Variants in SPHKAP observed in about 807,000 individuals in gnomAD.
SPHKAP encodes the protein A-kinase anchor protein SPHKAP.
In SPHKAP, 67 loss-of-function variants were observed where a neutral mutation model predicts 137.5. The ratio of observed to expected loss-of-function variants is 0.49; its 90% CI spans 0.40 to 0.60. The LOEUF (loss-of-function observed/expected upper bound fraction) is 0.60. SPHKAP is among the 20% of genes least tolerant of loss of function. The pLI, the probability that SPHKAP is intolerant of heterozygous loss-of-function variation, is 0.00. For missense variants in SPHKAP, 2,097 were observed against 2,069.3 expected (o/e 1.01, Z -0.26); for synonymous variants, 813 against 785.3 (o/e 1.04, Z -0.59).
At chr2:228,035,380 G>T (rs1341887904) in intron 3 of SPHKAP, among the ~76,000 whole-genome samples, 1 of 152,134 alleles carries the variant, frequency 6.6e-6, no homozygotes, top group African/African-American at 2.4e-5. Context: ...GGAAATAAAA[G>T]AAAATACAAA....
intron 3 of SPHKAP, among the ~76,000 whole-genome samples, chr2:228,070,028 T>C (rs897114765): frequency 2.0e-5 from 3 of 152,220 alleles, no homozygotes; most frequent in African/African-American, 7.2e-5. Context: ...GGGACTTATC[T>C]GTCCATTTCA....
chr2:228,024,259 G>GAGAT lies in SPHKAP; in HGVS notation c.441+1131_441+1134dup, dbSNP rs1341903715. ...ATTAATGTCAATACCAATTTTCATAGAGATATTGAAAGAAAGCTGGAATTT... is the reference window on the plus strand; with the variant it reads ...ATTAATGTCAATACCAATTTTCATAGAGATAGATATTGAAAGAAAGCTGGAATTT... On this transcript the variant is annotated intron_variant, in intron 5 of 11. Transcript: ENST00000392056. Among the ~76,000 whole-genome samples the GAGAT allele has an allele frequency of 7.3e-5, 11 of 151,656 alleles. 1 individual carries two copies. Among genetic ancestry groups the GAGAT allele is most frequent in the Admixed American group, 2.0e-4 (3 of 15,236 alleles).
At chr2:228,069,222 G>A (rs543386990) in intron 3 of SPHKAP, among the ~76,000 whole-genome samples, 9 of 152,250 alleles carry the variant, frequency 5.9e-5, no homozygotes, top group South Asian at 2.1e-4. Flanking sequence ...AGCCGAGATC[G>A]TGCCATTGCA....
chr2:228,038,638 C>CT (rs1695726258), intron 3 of SPHKAP, among the ~76,000 whole-genome samples: 1 of 152,006 alleles, frequency 6.6e-6, no homozygotes, highest in Non-Finnish European at 1.5e-5. Flanking sequence ...CATAATTATC[C>CT]TTTTTTCTTG....
In SPHKAP at chr2:228,018,614, G is replaced by C. The variant is rs756170328; in HGVS notation, c.2240C>G (p.Thr747Arg). 3.1e-6 allele frequency: 5 copies of C among 1,614,132 alleles called. No individual in the cohort carries two copies. The highest frequency in any genetic ancestry group is 2.2e-5 in the South Asian group (2 of 91,074). ...ATCAGATGGCTGGCAGCTTGGTTCTGTCTCCCTCCTTCTGATGGTCTCCTT... is the reference window on the plus strand; with the variant it reads ...ATCAGATGGCTGGCAGCTTGGTTCTCTCTCCCTCCTTCTGATGGTCTCCTT... ...LSKETIRRRETEPSCQPSDPG... is the reference protein window; with the variant it reads ...LSKETIRRREREPSCQPSDPG... The change falls in exon 7 of 12, where the codon ACA (threonine) becomes AGA (arginine). Residue 747 changes from threonine to arginine, a missense_variant. Physicochemically the swap from Thr to Arg is moderately conservative, Grantham distance 71. Coordinates refer to ENST00000392056, the MANE Select transcript of SPHKAP (RefSeq NM_001142644.2).
intron 3 of SPHKAP, among the ~76,000 whole-genome samples, chr2:228,103,651 G>A (rs1698245173): frequency 1.3e-5 from 2 of 152,072 alleles, no homozygotes; most frequent in Admixed American, 6.5e-5. Flanking sequence ...AAAGTGAGTG[G>A]GTCCAGCCGA....
At chr2:228,156,053 T>C (rs1301441926) in intron 1 of SPHKAP, among the ~76,000 whole-genome samples, 1 of 152,180 alleles carries the variant, frequency 6.6e-6, no homozygotes, top group Non-Finnish European at 1.5e-5. Context: ...TGTGAAGGAT[T>C]TAAACTAAAA....
chr2:228,031,233 T>C (rs1695300938), intron 3 of SPHKAP, among the ~76,000 whole-genome samples: 1 of 152,178 alleles, frequency 6.6e-6, no homozygotes, highest in Non-Finnish European at 1.5e-5. Context: ...CGCACCTGGC[T>C]CAGAGGGTCC....
intron 3 of SPHKAP, chr2:228,028,133 T>C: frequency 1.2e-6 from 1 of 847,778 alleles, no homozygotes; most frequent in Non-Finnish European, 1.4e-6. Flanking sequence ...ATAGAACAGT[T>C]ACAACAAAAT....
chr2:228,024,299 T>C (rs2106224604), intron 5 of SPHKAP, among the ~76,000 whole-genome samples: 1 of 151,920 alleles, frequency 6.6e-6, no homozygotes, highest in South Asian at 2.1e-4. Context: ...GTAATACCTG[T>C]ACTTGCCAAA....
intron 2 of SPHKAP, among the ~76,000 whole-genome samples, chr2:228,120,383 A>G (rs1389394032): frequency 6.6e-6 from 1 of 152,168 alleles, no homozygotes; most frequent in Non-Finnish European, 1.5e-5. Flanking sequence ...TGGAGCATTT[A>G]TCTCTGACAA....
chr2:227,983,500 A>C (rs1164687144), intron 11 of SPHKAP, among the ~76,000 whole-genome samples: 1 of 152,194 alleles, frequency 6.6e-6, no homozygotes, highest in African/African-American at 2.4e-5. Context: ...CTCCCAGCAG[A>C]AGGACATCTT....
At chr2:228,011,691 C>T (rs935716259) in intron 7 of SPHKAP, among the ~76,000 whole-genome samples, 10 of 152,116 alleles carry the variant, frequency 6.6e-5, no homozygotes, top group South Asian at 4.1e-4. Context: ...GAATATATCA[C>T]ACTTGCTTGT....
chr2:228,083,393 A>G (rs548886312), intron 3 of SPHKAP, among the ~76,000 whole-genome samples: 16 of 152,282 alleles, frequency 1.1e-4, no homozygotes, highest in Non-Finnish European at 2.1e-4. Flanking sequence ...CTGGTGTGAA[A>G]TGGTATCTCC....
chr2:228,027,161 GAGAC>G (rs1695073628), intron 4 of SPHKAP, among the ~76,000 whole-genome samples: 1 of 152,348 alleles, frequency 6.6e-6, no homozygotes, highest in Non-Finnish European at 1.5e-5. Flanking sequence ...GCAAATCTGA[GAGAC>G]AGAGGGGAGG....
rs774407419 is a variant in SPHKAP, at chr2:228,181,640, G to A, written c.-42C>T. The A allele has an allele frequency of 1.2e-6, 2 of 1,614,132 alleles. No homozygotes were observed. Among genetic ancestry groups the A allele is most frequent in the Non-Finnish European group, 1.7e-6 (2 of 1,180,004 alleles). On this transcript the variant is annotated 5_prime_UTR_variant, in exon 1 of 12. Transcript: ENST00000392056. The surrounding 1 kb of genome is among the most constrained non-coding windows in gnomAD (Gnocchi z 4.3). The stretch of plus-strand genomic sequence containing the variant: ...GAGAAGAAAGACGGAAAGTGCAGGC[G>A]AAGGATAAGTCTGTGGTGCTAGGAC...
At chr2:228,067,110 G>T (rs1162137884) in intron 3 of SPHKAP, among the ~76,000 whole-genome samples, 3 of 152,196 alleles carry the variant, frequency 2.0e-5, no homozygotes, top group Non-Finnish European at 1.5e-5. Context: ...GGTTTTTTAT[G>T]TTGTCGTTGC....
intron 2 of SPHKAP, among the ~76,000 whole-genome samples, chr2:228,110,503 C>T (rs55736554): frequency 0.35 from 52,454 of 151,954 alleles, 9,322 homozygotes; most frequent in East Asian, 0.5. Flanking sequence ...GCTAGGGAAC[C>T]TCTCAGTTCT....
rs55846474 is a variant in SPHKAP, at chr2:228,119,456, T to TACACACACACACACAC, written c.139-10533_139-10518dup. ...TTTATAATAGTTTAAAAGCCTAGTA[T>TACACACACACACACAC]ACACACACACACACACTCTCTCTCT... On this transcript the variant is annotated intron_variant, in intron 2 of 11. Coordinates refer to ENST00000392056, the MANE Select transcript of SPHKAP (RefSeq NM_001142644.2). Among the ~76,000 whole-genome samples, 790 of 137,348 alleles carry TACACACACACACACAC rather than the reference T, an allele frequency of 5.8e-3. 6 individuals carry two copies. Among genetic ancestry groups the TACACACACACACACAC allele is most frequent in the Middle Eastern group, 0.019 (5 of 258 alleles). 90.1% of individuals were successfully genotyped at this position (137,348 alleles called of 152,430 possible).
Sources: gnomAD v4.1 joint callset for allele counts (sites outside exome capture counted in the v4.1 genomes callset) on GRCh38, gnomAD v4.1.1 for gene constraint, Gnocchi (gnomAD v3.1) non-coding constraint, MANE v1.5 for transcripts, NCBI Gene and HGNC (gene_info 2026-07-23, HGNC 2026-07-21) for gene names.